Variants in DNAH1 observed in about 807,000 individuals in gnomAD.
DNAH1 encodes the protein dynein axonemal heavy chain 1, also known as axonemal beta dynein heavy chain 1.
DNAH1 carries 327 observed loss-of-function variants against 484.3 expected under a neutral mutation model. That is an observed-to-expected ratio of 0.68 (90% CI 0.62 to 0.74). The LOEUF (loss-of-function observed/expected upper bound fraction) is 0.74. Among genes scored for constraint, DNAH1 ranks in the 30% least tolerant of loss-of-function variants. The pLI is 0.00. For missense variants in DNAH1, 5,052 were observed against 5,546.8 expected, an observed-to-expected ratio of 0.91 and a Z score of 2.83; for synonymous variants, 2,192 against 2,191.9, an observed-to-expected ratio of 1.00 and a Z score of 0.00.
Position 52,394,459 on chromosome 3 carries a change from T to C in DNAH1, c.10627-6T>C. The C allele has an allele frequency of 6.2e-7, 1 of 1,613,868 alleles. No individual in the cohort carries two copies. The highest frequency in any genetic ancestry group is 2.2e-5 in the East Asian group (1 of 44,886). Reference sequence around the variant, plus strand: ...TGGGCATCAGCCTCCTCCTGTCCCCTGCCAGAGTGAGTGGCGATACCTCCT... The same window carrying C: ...TGGGCATCAGCCTCCTCCTGTCCCCCGCCAGAGTGAGTGGCGATACCTCCT... On this transcript the variant is annotated splice_region_variant and splice_polypyrimidine_tract_variant and intron_variant, in intron 66 of 77. Coordinates refer to ENST00000420323, the MANE Select transcript of DNAH1 (RefSeq NM_015512.5).
In DNAH1 at chr3:52,395,042, C is replaced by A; in HGVS notation, c.10951C>A (p.Arg3651Ser). The change falls in exon 68 of 78, where the codon CGC (arginine) becomes AGC (serine). Residue 3651 changes from arginine (R) to serine (S), a missense_variant. Arg to Ser is a moderately radical substitution (Grantham distance 110). Transcript: ENST00000420323. This position sits in a 1 kb window ranked among gnomAD's most constrained non-coding sequence, Gnocchi z 4.4. ...CTTTGTGGCCACCAACCTGGAGCCA[C>A]GCTTCATTGAACCCCAGGCAAGTGC... ...QDFVATNLEP[R>S]FIEPQTANLS... 1.9e-6 allele frequency: 3 copies of A among 1,609,832 alleles called. No homozygotes were observed. Among genetic ancestry groups the A allele is most frequent in the Non-Finnish European group, 2.5e-6 (3 of 1,178,080 alleles).
intron 41 of DNAH1, among the ~76,000 whole-genome samples, chr3:52,371,179 C>T (rs1294540212): frequency 6.6e-6 from 1 of 152,194 alleles, no homozygotes; most frequent in Admixed American, 6.5e-5. Context: ...ACTGGGCTCC[C>T]GAGGGCTGGG....
At position 52,380,134 on chromosome 3, in the gene DNAH1, A is replaced by C. The variant is rs781181558; in HGVS notation, c.7607A>C (p.Lys2536Thr). 1 of 1,587,520 alleles carries C rather than the reference A, an allele frequency of 6.3e-7. No individual in the cohort carries two copies. The highest frequency in any genetic ancestry group is 2.3e-5 in the East Asian group (1 of 43,434). ...KSYELITSES[K>T]MMQVIEEYIE... The stretch of plus-strand genomic sequence containing the variant: ...TACGAGCTCATCACCAGTGAGAGTA[A>C]GGTGAGGGGCCCAGGCAGGCGCCCT... Residue 2536 changes from lysine to threonine, a missense_variant and splice_region_variant, in exon 48 of 78, where the codon AAG becomes ACG. This residue lies in a region of DNAH1 where 2,929 missense variants were observed against 3,409.4 expected (regional missense o/e 0.86). Transcript: ENST00000420323.
At chr3:52,342,527 C>A (rs1383829313) in intron 8 of DNAH1, among the ~76,000 whole-genome samples, 1 of 152,070 alleles carries the variant, frequency 6.6e-6, no homozygotes, top group Non-Finnish European at 1.5e-5. Flanking sequence ...GCGGTGGAGC[C>A]AATGAGAGCT....
In DNAH1 at chr3:52,368,995, C is replaced by T; in HGVS notation, c.5943+77C>T. On this transcript the variant is annotated intron_variant, in intron 37 of 77. Coordinates refer to ENST00000420323, the MANE Select transcript of DNAH1 (RefSeq NM_015512.5). The surrounding 1 kb of genome is among the most constrained non-coding windows in gnomAD (Gnocchi z 4.4). ...GAGGCTGCATCATGCTGGCCAAACT[C>T]TGCCCCCTCACCCCTTTCTCTCAGG... is the stretch of plus-strand genomic sequence containing the variant. 6.5e-7 allele frequency: 1 copy of T among 1,530,772 alleles called. No homozygotes were observed. The highest frequency in any genetic ancestry group is 1.2e-5 in the South Asian group (1 of 84,934). The allele number at this position is 1,530,772 out of a possible 1,614,324, so 94.8% of individuals were successfully genotyped here.
At chr3:52,383,664 A>C in intron 51 of DNAH1, 70 bp downstream of exon 51, 1 of 1,462,092 alleles carries the variant, frequency 6.8e-7, no homozygotes, top group Non-Finnish European at 9.1e-7. Context: ...GGCCCCGGGG[A>C]CACTGGATGC....
intron 54 of DNAH1, among the ~76,000 whole-genome samples, chr3:52,385,751 G>A (rs1704076423): frequency 6.6e-6 from 1 of 152,236 alleles, no homozygotes; most frequent in East Asian, 1.9e-4. Flanking sequence ...CGATCCTCAT[G>A]GCAGACCTTG....
At chr3:52,394,807 C>T (rs1388876490) in intron 67 of DNAH1, 108 bp from the exon 68 acceptor site, 1 of 1,507,760 alleles carries the variant, frequency 6.6e-7, no homozygotes, top group Non-Finnish European at 8.9e-7. Context: ...CAGTGCCATA[C>T]CCCTGGGATA....
In DNAH1 at chr3:52,326,790, A is replaced by G. The variant is rs771538444; in HGVS notation, c.637A>G (p.Ile213Val). Residue 213 changes from isoleucine to valine, a missense_variant, in exon 5 of 78, where the codon ATC becomes GTC. Around this residue, in one of 4 missense-constraint regions of DNAH1, gnomAD observed 1,263 missense variants for 1,218.8 expected, o/e 1.04. Coordinates refer to ENST00000420323, the MANE Select transcript of DNAH1 (RefSeq NM_015512.5). ...TGAGCAGTTGCTGTTCAGCCAGGGCATCGACTCCAACAAGCTCATGCCCAG... is the reference window on the plus strand; with the variant it reads ...TGAGCAGTTGCTGTTCAGCCAGGGCGTCGACTCCAACAAGCTCATGCCCAG... ...DIEQLLFSQG[I>V]DSNKLMPRHL... The G allele has an allele frequency of 2.5e-6, 4 of 1,613,794 alleles. No individual in the cohort carries two copies. The South Asian group carries it at 4.4e-5, about 18-fold the overall frequency.
upstream of DNAH1, among the ~76,000 whole-genome samples, chr3:52,316,144 G>A (rs1700941729): frequency 6.6e-6 from 1 of 152,224 alleles, no homozygotes; most frequent in African/African-American, 2.4e-5. Context: ...CCAGCCCACT[G>A]TGTTGCTTGG....
chr3:52,348,237 A>G (rs1038043853), intron 12 of DNAH1, among the ~76,000 whole-genome samples: 1 of 152,204 alleles, frequency 6.6e-6, no homozygotes, highest in East Asian at 1.9e-4. Context: ...CAGATTTTGT[A>G]GGTGAGGCTT....
rs1332798605 is a variant in DNAH1, at chr3:52,332,300, A to G, written c.1192A>G (p.Met398Val). ...GCTCTACAACTTGTATGTGGACTGC[A>G]TGCCCTCTGACGGCCAGCATGTCAT... The part of the protein sequence containing the change: ...LLLYNLYVDC[M>V]PSDGQHVISE... Residue 398 changes from methionine (M) to valine (V), a missense_variant, in exon 8 of 78, where the codon ATG becomes GTG. Around this residue, in one of 4 missense-constraint regions of DNAH1, gnomAD observed 1,263 missense variants for 1,218.8 expected, o/e 1.04. Transcript: ENST00000420323. 1 of 1,614,090 alleles carries G rather than the reference A, an allele frequency of 6.2e-7. No individual in the cohort carries two copies.
intron 32 of DNAH1, among the ~76,000 whole-genome samples, chr3:52,363,535 C>T (rs1397919223): frequency 6.6e-6 from 1 of 152,202 alleles, no homozygotes; most frequent in Non-Finnish European, 1.5e-5. Flanking sequence ...AGCCTCCCAG[C>T]ACCACCATCC....
chr3:52,350,240 A>G, intron 15 of DNAH1, 132 bp downstream of exon 15: 1 of 1,294,934 alleles, frequency 7.7e-7, no homozygotes, highest in South Asian at 1.4e-5. Context: ...CAGAGGACAG[A>G]TGGGGTTTAG....
intron 41 of DNAH1, among the ~76,000 whole-genome samples, chr3:52,371,066 C>T (rs992018230): frequency 2.6e-5 from 4 of 152,232 alleles, no homozygotes; most frequent in Non-Finnish European, 4.4e-5. Context: ...GGGAGACATT[C>T]GAGTACCTCC....
rs775277811 is a variant in DNAH1 at position 52,322,785 on chromosome 3, G to A, written c.333+10G>A. 3.5e-5 allele frequency: 56 copies of A among 1,584,674 alleles called. No homozygotes were observed. Among genetic ancestry groups the A allele is most frequent in the Non-Finnish European group, 4.5e-5 (53 of 1,165,420 alleles). On this transcript the variant is annotated intron_variant, in intron 2 of 77. Transcript: ENST00000420323. ...CTTAGATCAACTTGGGGTGAGTATG[G>A]CAGCCATCCCCTACCAAGCCTCAAC...
rs1701362617 is a variant in DNAH1 at position 52,326,834 on chromosome 3, C to G, written c.681C>G (p.His227Gln). The stretch of plus-strand genomic sequence containing the variant: ...TGCCCAGGCACCTGGACCACCAGCA[C>G]CCCCAAACCATCGAACAGGGCCATG... ...KLMPRHLDHQHPQTIEQGHDP... is the reference protein window; with the variant it reads ...KLMPRHLDHQQPQTIEQGHDP... The change falls in exon 5 of 78, where the codon CAC (histidine) becomes CAG (glutamine). Residue 227 changes from histidine to glutamine, a missense_variant. His to Gln is a conservative substitution (Grantham distance 24, BLOSUM62 0). This residue lies in a region of DNAH1 where 1,263 missense variants were observed against 1,218.8 expected (regional missense o/e 1.04). Transcript: ENST00000420323. 6.2e-7 allele frequency: 1 copy of G among 1,613,666 alleles called. No individual in the cohort carries two copies. The highest frequency in any genetic ancestry group is 8.5e-7 in the Non-Finnish European group (1 of 1,179,736).
rs761433531 is a variant in DNAH1 at position 52,362,462 on chromosome 3, G to A, written c.5055G>A (p.Pro1685=). 1.1e-5 allele frequency: 17 copies of A among 1,613,846 alleles called. No homozygotes were observed. The highest frequency in any genetic ancestry group is 4.4e-5 in the South Asian group (4 of 91,078). Residue 1685 remains proline (P), a synonymous_variant, in exon 31 of 78, where the codon CCG becomes CCA. Transcript: ENST00000420323. This position sits in a 1 kb window ranked among gnomAD's most constrained non-coding sequence, Gnocchi z 5.1. ...GCGCAGTGTTTATCACCATGAACCC[G>A]GGCTACGCTGGCCGCACGGAGCTGC... The part of the protein sequence containing the change: ...PSCAVFITMN[P]GYAGRTELPD...
rs1269182213 is a variant in DNAH1, at chr3:52,354,836, A to C, written c.3481-7A>C. 2.0e-5 allele frequency: 33 copies of C among 1,612,736 alleles called. No individual in the cohort carries two copies. In the Admixed American group the frequency reaches 4.5e-4, roughly 22 times the overall value. ...CAGGACTCAGCCTGGCTTGTCCCCG[A>C]CCCCAGGCACTGGACAAGATGGAGA... On this transcript the variant is annotated splice_polypyrimidine_tract_variant and splice_region_variant and intron_variant, in intron 20 of 77. Coordinates refer to ENST00000420323, the MANE Select transcript of DNAH1 (RefSeq NM_015512.5).
Sources: allele counts gnomAD v4.1 joint callset (sites outside exome capture counted in the v4.1 genomes callset), GRCh38; gene constraint gnomAD v4.1.1; regional missense constraint gnomAD v4.1.1; non-coding constraint Gnocchi (gnomAD v3.1); transcripts MANE v1.5; gene names NCBI Gene and HGNC (gene_info 2026-07-23, HGNC 2026-07-21).